Variants in TSC22D2 observed in about 807,000 individuals in gnomAD.
TSC22D2 encodes the protein TSC22 domain family member 2, also known as TSC22 domain family protein 2.
In TSC22D2, 5 loss-of-function variants were observed where a neutral mutation model predicts 50.1. That is an observed-to-expected ratio of 0.10 (90% CI 0.05 to 0.21). The LOEUF is 0.21. Among genes scored for constraint, TSC22D2 ranks in the 10% least tolerant of loss-of-function variants. The pLI, the probability that TSC22D2 is intolerant of heterozygous loss-of-function variation, is 1.00. For missense variants in TSC22D2, 1,003 were observed against 1,015.5 expected, an observed-to-expected ratio of 0.99 and a Z score of 0.17; for synonymous variants, 501 against 450.1, an observed-to-expected ratio of 1.11 and a Z score of -1.43.
intron 1 of TSC22D2, chr3:150,456,874 G>A (rs1283678142): frequency 1.8e-6 from 1 of 555,080 alleles, no homozygotes; most frequent in East Asian, 3.2e-5. Context: ...CACTACAAAG[G>A]ACCTGTAGAA....
rs927308371 is a variant in TSC22D2 at position 150,410,463 on chromosome 3, C to T, written c.1113C>T (p.Pro371=). 18 of 1,608,564 alleles carry T rather than the reference C, an allele frequency of 1.1e-5. No homozygotes were observed. The highest frequency in any genetic ancestry group is 1.4e-5 in the Non-Finnish European group (16 of 1,178,430). ...AGATACCGCCCGGACATTTGCTGCC[C>T]GTCCAGCCCTCCGGCCAGAGTGAGT... ...QPQIPPGHLL[P]VQPSGQSEYL... Residue 371 remains proline (P), a synonymous_variant, in exon 1 of 3, where the codon CCC becomes CCT. Coordinates refer to ENST00000688009, the MANE Select transcript of TSC22D2 (RefSeq NM_001303264.2).
At chr3:150,433,317 G>C (rs1287163348) in intron 1 of TSC22D2, among the ~76,000 whole-genome samples, 1 of 152,282 alleles carries the variant, frequency 6.6e-6, no homozygotes, top group Middle Eastern at 3.4e-3. Context: ...CAGCATGGCT[G>C]TCAGTGTCCC....
chr3:150,451,226 T>C (rs2108100759), intron 1 of TSC22D2, among the ~76,000 whole-genome samples: 1 of 152,350 alleles, frequency 6.6e-6, no homozygotes, highest in East Asian at 1.9e-4. Context: ...GCAAGGCATT[T>C]ATTTTATTTA....
At position 150,409,115 on chromosome 3, in the gene TSC22D2, C is replaced by G; in HGVS notation, c.-236C>G. On this transcript the variant is annotated 5_prime_UTR_variant, in exon 1 of 3. Coordinates refer to ENST00000688009, the MANE Select transcript of TSC22D2 (RefSeq NM_001303264.2). The surrounding 1 kb of genome is among the most constrained non-coding windows in gnomAD (Gnocchi z 7.4). ...GAGCTAAAAAGGAAGGAGGAGCCGC[C>G]GCGGGACTGAGACGGGGGCAGAGCC... 1 of 424,012 alleles carries G rather than the reference C, an allele frequency of 2.4e-6. No individual in the cohort carries two copies. Among genetic ancestry groups the G allele is most frequent in the Non-Finnish European group, 4.2e-6 (1 of 237,492 alleles). 26.3% of individuals were successfully genotyped at this position (424,012 alleles called of 1,614,324 possible).
intron 1 of TSC22D2, among the ~76,000 whole-genome samples, chr3:150,434,100 C>T (rs1560086156): frequency 6.6e-6 from 1 of 151,264 alleles, no homozygotes; most frequent in Non-Finnish European, 1.5e-5. Context: ...TGTTCCATTT[C>T]TTTTATGTTA....
chr3:150,442,994 GC>G (rs1720767020), intron 1 of TSC22D2, among the ~76,000 whole-genome samples: 1 of 152,122 alleles, frequency 6.6e-6, no homozygotes, highest in Non-Finnish European at 1.5e-5. Flanking sequence ...CAGAACCAAT[GC>G]CCTTTTATTT....
chr3:150,417,536 G>C (rs1159184937), intron 1 of TSC22D2, among the ~76,000 whole-genome samples: 4 of 152,000 alleles, frequency 2.6e-5, no homozygotes, highest in Admixed American at 2.6e-4. Flanking sequence ...AGACATACCC[G>C]GGCTAAAATC....
At position 150,458,157 on chromosome 3, in the gene TSC22D2, C is replaced by T. The variant is rs531531230; in HGVS notation, c.2011-219C>T. On this transcript the variant is annotated intron_variant, in intron 2 of 2. Coordinates refer to ENST00000688009, the MANE Select transcript of TSC22D2 (RefSeq NM_001303264.2). Reference sequence around the variant, plus strand: ...TAAGAAGCTAGTATTTTTTGGAAATCGTCCCAAACTTTGAAAAGAAAATTC... The same window carrying T: ...TAAGAAGCTAGTATTTTTTGGAAATTGTCCCAAACTTTGAAAAGAAAATTC... Among the ~76,000 whole-genome samples the T allele has an allele frequency of 2.8e-4, 42 of 151,144 alleles. 1 individual carries two copies. Among genetic ancestry groups the T allele is most frequent in the Non-Finnish European group, 2.1e-4 (14 of 67,866 alleles).
In TSC22D2 at chr3:150,410,885, C is replaced by G; in HGVS notation, c.1535C>G (p.Ala512Gly). The G allele has an allele frequency of 6.2e-7, 1 of 1,614,016 alleles. No individual in the cohort carries two copies. Among genetic ancestry groups the G allele is most frequent in the Non-Finnish European group, 8.5e-7 (1 of 1,180,026 alleles). ...VVPGVPNVPAAVPAPSVPSVS... is the reference protein window; with the variant it reads ...VVPGVPNVPAGVPAPSVPSVS... ...CCCGGAGTTCCAAACGTGCCTGCAGCCGTGCCCGCTCCAAGCGTGCCTAGT... is the reference window on the plus strand; with the variant it reads ...CCCGGAGTTCCAAACGTGCCTGCAGGCGTGCCCGCTCCAAGCGTGCCTAGT... The change falls in exon 1 of 3, where the codon GCC becomes GGC. Residue 512 changes from alanine (A) to glycine (G), a missense_variant. By Grantham distance (60) the Ala-to-Gly change is moderately conservative. Transcript: ENST00000688009.
At chr3:150,442,955 G>A (rs1022475339) in intron 1 of TSC22D2, among the ~76,000 whole-genome samples, 19 of 152,184 alleles carry the variant, frequency 1.2e-4, no homozygotes, top group Admixed American at 2.6e-4. Flanking sequence ...AATAAGGTGA[G>A]AGATGGGATT....
At chr3:150,445,955 A>G (rs1159053310) in intron 1 of TSC22D2, among the ~76,000 whole-genome samples, 1 of 151,974 alleles carries the variant, frequency 6.6e-6, no homozygotes, top group Non-Finnish European at 1.5e-5. Context: ...GTAGCTGGGC[A>G]TGGTGGTGCA....
chr3:150,433,444 T>C (rs1377460476), intron 1 of TSC22D2, among the ~76,000 whole-genome samples: 1 of 152,222 alleles, frequency 6.6e-6, no homozygotes, highest in East Asian at 1.9e-4. Context: ...TCAGAATATA[T>C]GTAACCTTTG....
At chr3:150,414,582 T>C (rs1050671207) in intron 1 of TSC22D2, among the ~76,000 whole-genome samples, 1 of 152,178 alleles carries the variant, frequency 6.6e-6, no homozygotes, top group Non-Finnish European at 1.5e-5. Context: ...TATTTCTATG[T>C]CTTGTTAATG....
rs1442492564 is a variant in TSC22D2, at chr3:150,408,355, C to T, written c.-996C>T. 2 of 153,166 alleles carry T rather than the reference C, an allele frequency of 1.3e-5. No individual in the cohort carries two copies. Among genetic ancestry groups the T allele is most frequent in the African/African-American group, 4.8e-5 (2 of 41,450 alleles). 9.5% of individuals were successfully genotyped at this position (153,166 alleles called of 1,614,324 possible). A position where few individuals can be genotyped will look rare whatever the true frequency, so the allele number is the denominator to read the frequency against. The stretch of plus-strand genomic sequence containing the variant: ...CTCCTCCCAGCATCCCTGGCGCGGC[C>T]ATTTCAGCCCCATCTTGGCCCAGCG... On this transcript the variant is annotated 5_prime_UTR_variant, in exon 1 of 3. Transcript: ENST00000688009.
intron 1 of TSC22D2, among the ~76,000 whole-genome samples, chr3:150,444,635 C>T (rs1576554410): frequency 6.6e-6 from 1 of 152,172 alleles, no homozygotes; most frequent in East Asian, 1.9e-4. Context: ...TAGAATTCAT[C>T]ATAAAAGATT....
rs1721465874 is a variant in TSC22D2 at position 150,463,151 on chromosome 3, A to G, written c.*4515A>G. 1 of 152,216 alleles carries G rather than the reference A, an allele frequency of 6.6e-6. No individual in the cohort carries two copies. Among genetic ancestry groups the G allele is most frequent in the Non-Finnish European group, 1.5e-5 (1 of 68,044 alleles). 9.4% of individuals were successfully genotyped at this position (152,216 alleles called of 1,614,324 possible). On this transcript the variant is annotated 3_prime_UTR_variant, in exon 3 of 3. Transcript: ENST00000688009. ...CAATTCTACCCTAAAGGTAAACTAA[A>G]TGGAATCCTTTTATGGTGACTAGGA...
chr3:150,453,558 G>A (rs1023377457), intron 1 of TSC22D2, among the ~76,000 whole-genome samples: 1 of 151,986 alleles, frequency 6.6e-6, no homozygotes, highest in Non-Finnish European at 1.5e-5. Context: ...ACGGGGCCCC[G>A]CCCCAAGAGT....
chr3:150,424,281 G>T (rs757827044), intron 1 of TSC22D2, among the ~76,000 whole-genome samples: 6 of 152,022 alleles, frequency 3.9e-5, no homozygotes, highest in African/African-American at 1.4e-4. Context: ...AAACATGAAG[G>T]TTTAATCTTT....
At chr3:150,421,940 T>C (rs867939356) in intron 1 of TSC22D2, among the ~76,000 whole-genome samples, 4 of 152,208 alleles carry the variant, frequency 2.6e-5, no homozygotes, top group South Asian at 2.1e-4. Flanking sequence ...AGTGTAGTGG[T>C]TTAAGAGCAT....
Sources: allele counts gnomAD v4.1 joint callset (sites outside exome capture counted in the v4.1 genomes callset), GRCh38; gene constraint gnomAD v4.1.1; non-coding constraint Gnocchi (gnomAD v3.1); transcripts MANE v1.5; gene names NCBI Gene and HGNC (gene_info 2026-07-23, HGNC 2026-07-21).